Variants in FAM186A observed in about 807,000 individuals in gnomAD.
FAM186A encodes family with sequence similarity 186 member A.
FAM186A carries 163 observed loss-of-function variants against 216.8 expected under a neutral mutation model. That is an observed-to-expected ratio of 0.75 (90% CI 0.66 to 0.86). The LOEUF (loss-of-function observed/expected upper bound fraction) is 0.86, where lower values mean the gene tolerates loss of function less well. Ranked by LOEUF, FAM186A falls within the 40% of genes least tolerant of loss-of-function variation. The pLI is 0.00. For missense variants in FAM186A, 2,184 were observed against 2,746.2 expected (o/e 0.80, Z 4.58); for synonymous variants, 805 against 1,025.3 (o/e 0.79, Z 4.10).
chr12:50,392,232 A>G (rs1281209538), intron 1 of FAM186A, among the ~76,000 whole-genome samples: 1 of 151,892 alleles, frequency 6.6e-6, no homozygotes, highest in East Asian at 1.9e-4. Context: ...CATTATGTCG[A>G]TGTGGTGAAG....
At chr12:50,332,955 G>A (rs977839679) in intron 5 of FAM186A, among the ~76,000 whole-genome samples, 8 of 151,948 alleles carry the variant, frequency 5.3e-5, no homozygotes, top group Admixed American at 1.3e-4. Context: ...TTGAACCCAG[G>A]AGGCGGAGGT....
At chr12:50,368,084 G>A (rs1418719555) in intron 1 of FAM186A, among the ~76,000 whole-genome samples, 1 of 151,660 alleles carries the variant, frequency 6.6e-6, no homozygotes, top group African/African-American at 2.4e-5. Context: ...GGCAGAGGTT[G>A]CAGTGAGCTG....
chr12:50,374,528 C>T (rs144111211), intron 1 of FAM186A, among the ~76,000 whole-genome samples: 5 of 152,122 alleles, frequency 3.3e-5, no homozygotes, highest in East Asian at 3.9e-4. Context: ...ACTATGTCAA[C>T]GGATTAAAGA....
At position 50,354,997 on chromosome 12, in the gene FAM186A, A is replaced by C. The variant is rs1393759262; in HGVS notation, c.1835T>G (p.Ile612Ser). ...TTTGCTTGTGATAGTTCCTGAAGAG[A>C]TATGGTGTTTCTTTCCTTTTATTTT... Reference protein sequence around the residue: ...KGKIKGKKHHISSGTITSKEE... With the variant: ...KGKIKGKKHHSSSGTITSKEE... Residue 612 changes from isoleucine to serine, a missense_variant, in exon 4 of 8, where the codon ATC becomes AGC. This residue lies in a region of FAM186A where 1,132 missense variants were observed against 1,263.4 expected (regional missense o/e 0.90). Transcript: ENST00000327337. 1 of 1,551,270 alleles carries C rather than the reference A, an allele frequency of 6.4e-7. No individual in the cohort carries two copies. Among genetic ancestry groups the C allele is most frequent in the Admixed American group, 2.0e-5 (1 of 50,954 alleles).
intron 4 of FAM186A, among the ~76,000 whole-genome samples, chr12:50,349,928 A>C (rs1412003702): frequency 6.6e-6 from 1 of 152,182 alleles, no homozygotes; most frequent in Non-Finnish European, 1.5e-5. Flanking sequence ...CTGGGATTAC[A>C]GGCATGAGAC....
chr12:50,372,855 G>A lies in FAM186A; in HGVS notation c.193-9491C>T, dbSNP rs143740322. ...GGCAGAGGTTACTGTGAGCCGAGAT[G>A]GTGCCACTGCACTCCAGTCTCCTGG... On this transcript the variant is annotated intron_variant, in intron 1 of 7. Transcript: ENST00000327337. Among the ~76,000 whole-genome samples the A allele has an allele frequency of 4.1e-3, 599 of 147,380 alleles. 5 individuals are homozygous for A. Among genetic ancestry groups the A allele is most frequent in the African/African-American group, 0.014 (570 of 40,074 alleles).
chr12:50,366,172 T>C lies in FAM186A; in HGVS notation c.193-2808A>G, dbSNP rs1943085908. 22 of 592,076 alleles carry C rather than the reference T, an allele frequency of 3.7e-5. No individual in the cohort carries two copies. The East Asian group carries it at 6.1e-4, about 16-fold the overall frequency. The allele number at this position is 592,076 out of a possible 1,614,324, so 36.7% of individuals were successfully genotyped here. A position where few individuals can be genotyped will look rare whatever the true frequency, so the allele number is the denominator to read the frequency against. ...TTGGATTTTGCCAAACAAATCATCA[T>C]GCAAAATGAGTATTCTGATGTTAGG... is the stretch of plus-strand genomic sequence containing the variant. On this transcript the variant is annotated intron_variant, in intron 1 of 7. Transcript: ENST00000327337.
At position 50,351,315 on chromosome 12, in the gene FAM186A, TATA is replaced by T; in HGVS notation, c.5514_5516del (p.Phe1838_Ile1839delinsLeu). The T allele has an allele frequency of 1.3e-6, 2 of 1,522,560 alleles. No individual in the cohort carries two copies. The highest frequency in any genetic ancestry group is 1.8e-6 in the Non-Finnish European group (2 of 1,135,050). 94.3% of individuals were successfully genotyped at this position (1,522,560 alleles called of 1,614,324 possible). On this transcript the variant is annotated inframe_deletion, in exon 4 of 8. Coordinates refer to ENST00000327337, the MANE Select transcript of FAM186A (RefSeq NM_001145475.3). Reference sequence around the variant, plus strand: ...GTCCAGAAGTGGGTGGAACTCCAGCTATAAAGGGCTGCCCTGGAGTGGGAGGGG... The same window carrying T: ...GTCCAGAAGTGGGTGGAACTCCAGCTAAGGGCTGCCCTGGAGTGGGAGGGG...
At chr12:50,376,229 A>G (rs1022620521) in intron 1 of FAM186A, among the ~76,000 whole-genome samples, 1 of 152,196 alleles carries the variant, frequency 6.6e-6, no homozygotes, top group Non-Finnish European at 1.5e-5. Context: ...TCAGTGAGCA[A>G]GCTGGGGATG....
intron 7 of FAM186A, among the ~76,000 whole-genome samples, chr12:50,329,888 AC>A (rs1942640057): frequency 6.6e-6 from 1 of 152,120 alleles, no homozygotes; most frequent in South Asian, 2.1e-4. Flanking sequence ...GAGCCACCAC[AC>A]CTGGCCTAAC....
chr12:50,394,321 T>G (rs905287981), intron 1 of FAM186A, among the ~76,000 whole-genome samples: 1 of 151,364 alleles, frequency 6.6e-6, no homozygotes, highest in Admixed American at 6.6e-5. Context: ...CACTTTGGAG[T>G]GGGGGTGGGT....
chr12:50,372,145 A>G (rs756868014), intron 1 of FAM186A, among the ~76,000 whole-genome samples: 5 of 152,122 alleles, frequency 3.3e-5, no homozygotes, highest in African/African-American at 1.2e-4. Flanking sequence ...AAAAGGAATA[A>G]TCAAACGTTA....
chr12:50,369,445 C>T lies in FAM186A; in HGVS notation c.193-6081G>A, dbSNP rs904810208. On this transcript the variant is annotated intron_variant, in intron 1 of 7. Coordinates refer to ENST00000327337, the MANE Select transcript of FAM186A (RefSeq NM_001145475.3). The stretch of plus-strand genomic sequence containing the variant: ...GGCAGAGGTTGCAGTGAGCTGAGAT[C>T]GAGCCACTGCACTCCAGCCTCAGCC... Among the ~76,000 whole-genome samples the T allele has an allele frequency of 2.5e-4, 36 of 141,572 alleles. No individual in the cohort carries two copies. The Admixed American group carries it at 2.6e-3, about 10-fold the overall frequency. 92.9% of individuals were successfully genotyped at this position (141,572 alleles called of 152,430 possible). A position where few individuals can be genotyped will look rare whatever the true frequency, so the allele number is the denominator to read the frequency against.
At chr12:50,335,449 G>T (rs1325889711) in intron 4 of FAM186A, among the ~76,000 whole-genome samples, 1 of 152,042 alleles carries the variant, frequency 6.6e-6, no homozygotes, top group South Asian at 2.1e-4. Context: ...TTCAAGAGCA[G>T]CCTGGCCAAC....
At chr12:50,386,795 T>TG (rs202222091) in intron 1 of FAM186A, among the ~76,000 whole-genome samples, 1,209 of 114,148 alleles carry the variant, frequency 0.011, 20 homozygotes, top group African/African-American at 0.036. Flanking sequence ...AGTTTGGGGG[T>TG]GGGGGGGTTA....
intron 4 of FAM186A, among the ~76,000 whole-genome samples, chr12:50,341,888 A>G (rs1406666427): frequency 6.6e-6 from 1 of 152,112 alleles, no homozygotes; most frequent in Non-Finnish European, 1.5e-5. Flanking sequence ...TTCAAAAAGT[A>G]CTAAGCCAGT....
intron 1 of FAM186A, among the ~76,000 whole-genome samples, chr12:50,394,880 C>T (rs1943398666): frequency 1.3e-5 from 2 of 151,302 alleles, no homozygotes; most frequent in Non-Finnish European, 2.9e-5. Flanking sequence ...AAGTGCATAC[C>T]ACCACTTCCT....
In FAM186A at chr12:50,355,555, G is replaced by GCAA. The variant is rs1381970720; in HGVS notation, c.1274_1276dup (p.Val425dup). The GCAA allele has an allele frequency of 3.9e-6, 6 of 1,551,626 alleles. No homozygotes were observed. Among genetic ancestry groups the GCAA allele is most frequent in the Non-Finnish European group, 5.2e-6 (6 of 1,146,978 alleles). On this transcript the variant is annotated inframe_insertion, in exon 4 of 8. Coordinates refer to ENST00000327337, the MANE Select transcript of FAM186A (RefSeq NM_001145475.3). ...GCTGTCTTCGGAAATATCTTCAGAA[G>GCAA]CAACAGGTTGCTGTCGTAGTTCAGT...
Position 50,383,249 on chromosome 12 carries a change from TAAAAAAAAAAA to T in FAM186A, c.192+13033_192+13043del, listed in dbSNP as rs1167515309. ...CTGGGTGACAGAGCAAGACTCCGTC[TAAAAAAAAAAA>T]AAAAAAAAAAAAAAAAAAAGAGAGA... On this transcript the variant is annotated intron_variant, in intron 1 of 7. Transcript: ENST00000327337. Among the ~76,000 whole-genome samples the T allele has an allele frequency of 2.4e-3, 25 of 10,362 alleles. 3 individuals carry two copies. The highest frequency in any genetic ancestry group is 0.019 in the South Asian group (2 of 104). The allele number at this position is 10,362 out of a possible 152,430, so 6.8% of individuals were successfully genotyped here.
Sources: allele counts gnomAD v4.1 joint callset (sites outside exome capture counted in the v4.1 genomes callset), GRCh38; gene constraint gnomAD v4.1.1; regional missense constraint gnomAD v4.1.1; transcripts MANE v1.5; gene names NCBI Gene and HGNC (gene_info 2026-07-23, HGNC 2026-07-21).